Variants in HORMAD2 observed in about 807,000 individuals in gnomAD.
The protein encoded by HORMAD2 is HORMA domain containing 2.
In HORMAD2, 45 loss-of-function variants were observed where a neutral mutation model predicts 38.8. The observed-to-expected ratio is 1.16, with a 90% CI of 0.91 to 1.49. The LOEUF (loss-of-function observed/expected upper bound fraction) is 1.49, where lower values mean the gene tolerates loss of function less well. Among genes scored for constraint, HORMAD2 ranks in the 40% most tolerant of loss-of-function variants. HORMAD2 has a pLI of 0.00. For missense variants in HORMAD2, 338 were observed against 367.0 expected (o/e 0.92, Z 0.65); for synonymous variants, 126 against 122.8 (o/e 1.03, Z -0.17).
chr22:30,207,104 G>A, the HORMAD2 span: 2 of 470,816 alleles, frequency 4.2e-6, no homozygotes, highest in South Asian at 3.1e-5. Context: ...TGTGGTACCA[G>A]GAGCTGTCAG....
intron 1 of HORMAD2, chr22:30,081,205 T>G (rs1241743884): frequency 6.6e-6 from 1 of 152,206 alleles, no homozygotes; most frequent in Non-Finnish European, 1.5e-5. Context: ...GGGTTTTTAA[T>G]CTCAGCAGGA....
chr22:30,108,546 TTACTTCCCTAGGGAAGTAAA>T (rs761963257), intron 5 of HORMAD2, among the ~76,000 whole-genome samples: 51 of 152,256 alleles, frequency 3.3e-4, no homozygotes, highest in African/African-American at 7.5e-4. Flanking sequence ...GCTTAAATAT[TTACTTCCCTAGGGAAGTAAA>T]TACTTCCCTC....
downstream of HORMAD2, among the ~76,000 whole-genome samples, chr22:30,179,153 G>C: frequency 6.6e-6 from 1 of 152,042 alleles, no homozygotes; most frequent in East Asian, 1.9e-4. Context: ...AACAGTATTG[G>C]ATATTTAGGG....
At chr22:30,089,875 CTT>C (rs1374551612) in intron 1 of HORMAD2, among the ~76,000 whole-genome samples, 1 of 152,176 alleles carries the variant, frequency 6.6e-6, no homozygotes, top group African/African-American at 2.4e-5. Context: ...CTATTAAACT[CTT>C]TATTCCTTCT....
intron 10 of HORMAD2, among the ~76,000 whole-genome samples, chr22:30,147,418 GA>G (rs34779804): frequency 0.079 from 11,787 of 148,796 alleles, 534 homozygotes; most frequent in African/African-American, 0.093. Context: ...TAGTCATATG[GA>G]AAAAAAAATG....
At chr22:30,177,177 G>A (rs1926505771), downstream of HORMAD2, 2 of 152,090 alleles carry the variant, frequency 1.3e-5, no homozygotes, top group Non-Finnish European at 2.9e-5. Flanking sequence ...TCAATAATTG[G>A]AGTGCTTGTT....
chr22:30,201,683 T>C, the HORMAD2 span, among the ~76,000 whole-genome samples: 1 of 152,142 alleles, frequency 6.6e-6, no homozygotes, highest in Non-Finnish European at 1.5e-5. Context: ...CCCAAAATGC[T>C]GGGATTACAG....
chr22:30,196,462 T>G, the HORMAD2 span, among the ~76,000 whole-genome samples: 1 of 152,220 alleles, frequency 6.6e-6, no homozygotes, highest in Non-Finnish European at 1.5e-5. Flanking sequence ...CTATCACCAT[T>G]GCCATGGCCA....
chr22:30,196,683 CTTTG>C, the HORMAD2 span, among the ~76,000 whole-genome samples: 1 of 152,138 alleles, frequency 6.6e-6, no homozygotes, highest in Non-Finnish European at 1.5e-5. Flanking sequence ...TTTGAAGTCA[CTTTG>C]TTTGTGAAAA....
At chr22:30,178,136 G>C (rs1926560761), downstream of HORMAD2, among the ~76,000 whole-genome samples, 1 of 96,728 alleles carries the variant, frequency 1.0e-5, no homozygotes. Context: ...GCACTACTGA[G>C]TAATTAGTTA....
At position 30,176,150 on chromosome 22, in the gene HORMAD2, A is replaced by C. The variant is rs983702805; in HGVS notation, c.907A>C (p.Ile303Leu). Residue 303 changes from isoleucine to leucine, a missense_variant, in exon 11 of 11, where the codon ATC becomes CTC. Transcript: ENST00000336726. Reference sequence around the variant, plus strand: ...GGTCAGTGAACCAGTGAAGGTCTTCATCCCTAACAGAAAATGAAAGCTAAA... The same window carrying C: ...GGTCAGTGAACCAGTGAAGGTCTTCCTCCCTAACAGAAAATGAAAGCTAAA... ...RKVSEPVKVFIPNRK is the reference protein window; with the variant it reads ...RKVSEPVKVFLPNRK The C allele has an allele frequency of 1.9e-6, 3 of 1,607,554 alleles. No homozygotes were observed. In the Admixed American group the frequency reaches 5.0e-5, roughly 27 times the overall value.
the HORMAD2 span, among the ~76,000 whole-genome samples, chr22:30,199,031 G>T: frequency 1.3e-5 from 2 of 152,194 alleles, no homozygotes; most frequent in African/African-American, 4.8e-5. Flanking sequence ...GGCTGGCACA[G>T]AGCTTGGCAC....
At chr22:30,187,066 G>A in the HORMAD2 span, among the ~76,000 whole-genome samples, 1 of 152,136 alleles carries the variant, frequency 6.6e-6, no homozygotes, top group Non-Finnish European at 1.5e-5. Flanking sequence ...CCTCTATTCA[G>A]CAACACATAT....
intron 10 of HORMAD2, among the ~76,000 whole-genome samples, chr22:30,124,256 A>AAC (rs10616156): frequency 0.082 from 11,959 of 146,446 alleles, 1,050 homozygotes; most frequent in African/African-American, 0.22. Flanking sequence ...GAATACATGG[A>AAC]ACACACACAC....
chr22:30,083,652 G>A (rs2068522650), intron 1 of HORMAD2, among the ~76,000 whole-genome samples: 3 of 152,046 alleles, frequency 2.0e-5, no homozygotes, highest in African/African-American at 2.4e-5. Flanking sequence ...TTTCACTCTT[G>A]TTGCCCAGGC....
intron 5 of HORMAD2, among the ~76,000 whole-genome samples, chr22:30,111,066 G>C (rs185081055): frequency 2.7e-5 from 4 of 148,412 alleles, no homozygotes; most frequent in African/African-American, 7.4e-5. Flanking sequence ...TGAGGCAGGA[G>C]AATCGCTTGA....
At chr22:30,135,746 A>G (rs1923608441) in intron 10 of HORMAD2, among the ~76,000 whole-genome samples, 1 of 152,216 alleles carries the variant, frequency 6.6e-6, no homozygotes, top group Non-Finnish European at 1.5e-5. Context: ...AGTAGAGCTA[A>G]ACCAAACTTT....
At chr22:30,190,676 A>G in the HORMAD2 span, among the ~76,000 whole-genome samples, 1 of 152,250 alleles carries the variant, frequency 6.6e-6, no homozygotes, top group Non-Finnish European at 1.5e-5. Context: ...AAACTGTGAA[A>G]GTGGCCCTGA....
chr22:30,088,827 T>G (rs2068631389), intron 1 of HORMAD2, among the ~76,000 whole-genome samples: 1 of 151,904 alleles, frequency 6.6e-6, no homozygotes, highest in African/African-American at 2.4e-5. Flanking sequence ...ACTACCCCAG[T>G]AGTGGGTAGT....
Sources: allele counts gnomAD v4.1 joint callset (sites outside exome capture counted in the v4.1 genomes callset), GRCh38; gene constraint gnomAD v4.1.1; transcripts MANE v1.5; gene names NCBI Gene and HGNC (gene_info 2026-07-23, HGNC 2026-07-21).